The following CDKAL1 variants were observed in gnomAD, a reference collection of about 807,000 sequenced individuals.
CDKAL1 encodes the protein threonylcarbamoyladenosine tRNA methylthiotransferase.
CDKAL1 carries 32 observed loss-of-function variants against 68.2 expected under a neutral mutation model. The ratio of observed to expected loss-of-function variants is 0.47; its 90% CI spans 0.35 to 0.63. The LOEUF is 0.63. Ranked by LOEUF, CDKAL1 falls within the 30% of genes least tolerant of loss-of-function variation. CDKAL1 has a pLI of 0.00. For synonymous variants in CDKAL1, 234 were observed against 244.3 expected, an observed-to-expected ratio of 0.96 and a Z score of 0.39; for missense variants, 606 against 696.7, an observed-to-expected ratio of 0.87 and a Z score of 1.47.
At chr6:20,685,282 G>A (rs761788334) in intron 5 of CDKAL1, among the ~76,000 whole-genome samples, 5 of 152,026 alleles carry the variant, frequency 3.3e-5, no homozygotes, top group South Asian at 4.2e-4. Flanking sequence ...TATTGCTTTC[G>A]CTCCTTGGTC....
chr6:21,193,495 C>G (rs763925856), intron 13 of CDKAL1, among the ~76,000 whole-genome samples: 8 of 152,230 alleles, frequency 5.3e-5, no homozygotes, highest in Non-Finnish European at 1.0e-4. Context: ...CAGCCCTACT[C>G]TCTTCTCCCT....
At chr6:20,600,685 A>G (rs757797801) in intron 4 of CDKAL1, among the ~76,000 whole-genome samples, 1 of 149,812 alleles carries the variant, frequency 6.7e-6, no homozygotes, top group African/African-American at 2.5e-5. Context: ...AAGATATGAT[A>G]CTTTTATTTA....
At chr6:20,654,540 T>G (rs554824978) in intron 5 of CDKAL1, among the ~76,000 whole-genome samples, 3 of 152,256 alleles carry the variant, frequency 2.0e-5, no homozygotes, top group South Asian at 4.1e-4. Context: ...TATTAAGATA[T>G]TTTCCTATAT....
intron 13 of CDKAL1, among the ~76,000 whole-genome samples, chr6:21,109,726 T>C (rs927644855): frequency 6.6e-6 from 1 of 152,120 alleles, no homozygotes; most frequent in Admixed American, 6.5e-5. Flanking sequence ...AGGAATGAGA[T>C]TGGCCAGATT....
intron 10 of CDKAL1, among the ~76,000 whole-genome samples, chr6:20,987,187 T>G (rs1766513691): frequency 6.6e-6 from 1 of 152,098 alleles, no homozygotes; most frequent in Non-Finnish European, 1.5e-5. Context: ...CTATGTACAG[T>G]GGCCTTGTGT....
At chr6:21,113,079 A>G (rs780949663) in intron 13 of CDKAL1, among the ~76,000 whole-genome samples, 14 of 152,348 alleles carry the variant, frequency 9.2e-5, no homozygotes, top group African/African-American at 2.2e-4. Flanking sequence ...CATAAAAACT[A>G]TAAGTCATTA....
At chr6:20,742,423 A>G (rs371317358) in intron 6 of CDKAL1, among the ~76,000 whole-genome samples, 17 of 151,416 alleles carry the variant, frequency 1.1e-4, no homozygotes, top group East Asian at 3.9e-4. Flanking sequence ...CTATATTTCT[A>G]TCGCCATAAT....
At chr6:21,179,133 C>T (rs1204964672) in intron 13 of CDKAL1, among the ~76,000 whole-genome samples, 1 of 152,216 alleles carries the variant, frequency 6.6e-6, no homozygotes, top group African/African-American at 2.4e-5. Context: ...TGCTTTTATG[C>T]TGTCACCTCT....
At chr6:20,946,442 A>G (rs1764240146) in intron 9 of CDKAL1, among the ~76,000 whole-genome samples, 1 of 151,994 alleles carries the variant, frequency 6.6e-6, no homozygotes, top group South Asian at 2.1e-4. Flanking sequence ...TCTTTTCCCA[A>G]TCACTTCATC....
intron 5 of CDKAL1, among the ~76,000 whole-genome samples, chr6:20,737,849 C>T (rs774083932): frequency 2.0e-5 from 3 of 152,130 alleles, no homozygotes; most frequent in South Asian, 2.1e-4. Context: ...ATGCAGGTGC[C>T]GTTAAAATAG....
At chr6:20,732,263 C>CTTTCTTTTT (rs1457615376) in intron 5 of CDKAL1, among the ~76,000 whole-genome samples, 27 of 83,464 alleles carry the variant, frequency 3.2e-4, no homozygotes, top group East Asian at 2.1e-3. Context: ...TTCTTTCTTT[C>CTTTCTTTTT]TTTTTTTTTT....
chr6:20,790,093 G>T (rs1034625713), intron 8 of CDKAL1, among the ~76,000 whole-genome samples: 1 of 152,168 alleles, frequency 6.6e-6, no homozygotes, highest in African/African-American at 2.4e-5. Context: ...ACCACACCTA[G>T]CCGGGACATC....
chr6:21,182,854 C>A (rs573397135), intron 13 of CDKAL1, among the ~76,000 whole-genome samples: 29 of 152,258 alleles, frequency 1.9e-4, no homozygotes, highest in Non-Finnish European at 3.8e-4. Context: ...CTCCTAAAAG[C>A]ATTAACTATT....
intron 5 of CDKAL1, among the ~76,000 whole-genome samples, chr6:20,687,378 T>C (rs1054750523): frequency 1.3e-5 from 2 of 152,318 alleles, no homozygotes; most frequent in Middle Eastern, 3.4e-3. Context: ...CACATCGTCT[T>C]TTTCTTCTTA....
chr6:21,216,982 G>A (rs576066359), intron 15 of CDKAL1, among the ~76,000 whole-genome samples: 1 of 152,252 alleles, frequency 6.6e-6, no homozygotes, highest in South Asian at 2.1e-4. Context: ...GTTAATTTCT[G>A]CCATTACCAG....
At chr6:20,549,126 T>C (rs1763717577) in intron 4 of CDKAL1, among the ~76,000 whole-genome samples, 1 of 152,208 alleles carries the variant, frequency 6.6e-6, no homozygotes, top group African/African-American at 2.4e-5. Context: ...TTTAGTTTCA[T>C]GTCCCCTTAG....
intron 11 of CDKAL1, among the ~76,000 whole-genome samples, chr6:21,003,377 C>T (rs376665782): frequency 0.17 from 8,504 of 48,892 alleles, 541 homozygotes; most frequent in Middle Eastern, 0.33. Context: ...TATATACACA[C>T]ACACACACAC....
chr6:20,578,631 C>T (rs1255019319), intron 4 of CDKAL1, among the ~76,000 whole-genome samples: 2 of 152,202 alleles, frequency 1.3e-5, no homozygotes, highest in Non-Finnish European at 2.9e-5. Context: ...CAGCAACTCA[C>T]ATATATTGAG....
chr6:20,905,812 A>C (rs1372777577), intron 9 of CDKAL1, among the ~76,000 whole-genome samples: 1 of 152,188 alleles, frequency 6.6e-6, no homozygotes, highest in African/African-American at 2.4e-5. Flanking sequence ...ACAAAACAAC[A>C]CAAAACAAAC....
Sources: gnomAD v4.1 joint callset for allele counts (sites outside exome capture counted in the v4.1 genomes callset) on GRCh38, gnomAD v4.1.1 for gene constraint, MANE v1.5 for transcripts, NCBI Gene and HGNC (gene_info 2026-07-23, HGNC 2026-07-21) for gene names.